Variants in MPI observed in about 807,000 individuals in gnomAD.
MPI encodes the protein mannose phosphate isomerase.
Under a neutral mutation model 40.1 loss-of-function variants are expected in MPI, and 33 were observed. That is an observed-to-expected ratio of 0.82 (90% CI 0.62 to 1.10). The LOEUF (loss-of-function observed/expected upper bound fraction) is 1.10. MPI is among the 50% of genes least tolerant of loss of function. The pLI is 0.00. For synonymous variants in MPI, 187 were observed against 207.4 expected, an observed-to-expected ratio of 0.90 and a Z score of 0.85; for missense variants, 514 against 524.1, an observed-to-expected ratio of 0.98 and a Z score of 0.19.
At position 74,892,747 on chromosome 15, in the gene MPI, C is replaced by G. The variant is rs145767808; in HGVS notation, c.432C>G (p.Pro144=). The G allele has an allele frequency of 1.2e-6, 2 of 1,614,178 alleles. No individual in the cohort carries two copies. The highest frequency in any genetic ancestry group is 3.3e-5 in the Admixed American group (2 of 60,016). ...HKPEMAIALT[P]FQGLCGFRPV... is the part of the protein sequence containing the mutation. ...CAGAGATGGCCATTGCCCTCACCCCCTTCCAGGGCTTGTGTGGCTTCCGGC... is the reference window on the plus strand; with the variant it reads ...CAGAGATGGCCATTGCCCTCACCCCGTTCCAGGGCTTGTGTGGCTTCCGGC... The change falls in exon 4 of 8, where the codon CCC becomes CCG. Residue 144 remains proline, a synonymous_variant. Transcript: ENST00000352410.
chr15:74,896,090 T>G (rs1233553581), intron 5 of MPI, 62 bp from the exon 6 acceptor site: 1 of 1,596,314 alleles, frequency 6.3e-7, no homozygotes, highest in Non-Finnish European at 8.6e-7. Flanking sequence ...CTGGCCAATG[T>G]GGGGCTATGA....
intron 7 of MPI, 29 bp downstream of exon 7, chr15:74,897,248 T>G (rs1180988208): frequency 7.5e-6 from 12 of 1,608,378 alleles, no homozygotes; most frequent in Non-Finnish European, 1.0e-5. Context: ...TGGGTGTCCT[T>G]CGTGTGCCAT....
At chr15:74,892,996 G>A in intron 4 of MPI, 142 bp from the exon 5 acceptor site, 6 of 1,330,486 alleles carry the variant, frequency 4.5e-6, no homozygotes, top group African/African-American at 1.4e-5. Flanking sequence ...GGTGGTGAGT[G>A]ATTGGTTTCC....
chr15:74,894,101 TG>T (rs1567267279), intron 5 of MPI, among the ~76,000 whole-genome samples: 950 of 25,254 alleles, frequency 0.038, 168 homozygotes, highest in East Asian at 0.32. Flanking sequence ...TGTGTGTGTG[TG>T]TGTGTGGTCT....
In MPI at chr15:74,892,693, G is replaced by T; in HGVS notation, c.378G>T (p.Pro126=). Residue 126 remains proline, a synonymous_variant, in exon 4 of 8, where the codon CCG becomes CCT. Transcript: ENST00000352410. The part of the protein sequence containing the change: ...ELAEKLHLQA[P]QHYPDANHKP... ...CAGAGAAGCTGCACCTCCAGGCTCC[G>T]CAGCACTACCCCGATGCCAACCACA... is the stretch of plus-strand genomic sequence containing the variant. 1 of 1,614,222 alleles carries T rather than the reference G, an allele frequency of 6.2e-7. No individual in the cohort carries two copies. Among genetic ancestry groups the T allele is most frequent in the Non-Finnish European group, 8.5e-7 (1 of 1,180,048 alleles).
rs1280433010 is a variant in MPI at position 74,890,633 on chromosome 15, A to G, written c.123A>G (p.Ala41=). 1 of 1,613,970 alleles carries G rather than the reference A, an allele frequency of 6.2e-7. No individual in the cohort carries two copies. The highest frequency in any genetic ancestry group is 8.5e-7 in the Non-Finnish European group (1 of 1,180,042). Residue 41 remains alanine (A), a synonymous_variant, in exon 2 of 8, where the codon GCA becomes GCG. Coordinates refer to ENST00000352410, the MANE Select transcript of MPI (RefSeq NM_002435.3). ...LASSDPLAQI[A]EDKPYAELWM... ...GCAGTGATCCACTGGCCCAGATCGC[A>G]GAGGACAAGCCTTATGCAGAGGTGA...
At position 74,901,756 on chromosome 15, in the gene MPI, G is replaced by A. The variant is rs141057857; in HGVS notation, c.*4026G>A. 38 of 216,096 alleles carry A rather than the reference G, an allele frequency of 1.8e-4. No homozygotes were observed. The East Asian group carries it at 3.6e-3, about 21-fold the overall frequency. The allele number at this position is 216,096 out of a possible 1,614,324, so 13.4% of individuals were successfully genotyped here. A position where few individuals can be genotyped will look rare whatever the true frequency, so the allele number is the denominator to read the frequency against. ...ATAGGAAGGCACCGGACTGCTCCCT[G>A]TAGCTCCCTCTGCTGGTAATAATAA... On this transcript the variant is annotated 3_prime_UTR_variant, in exon 8 of 8. Transcript: ENST00000352410.
rs1227522913 is a variant in MPI, at chr15:74,900,646, G to A, written c.*2916G>A. On this transcript the variant is annotated 3_prime_UTR_variant, in exon 8 of 8. Coordinates refer to ENST00000352410, the MANE Select transcript of MPI (RefSeq NM_002435.3). ...GGACATGGTCTCTGCAGATGGGGAAGGGGTTCTGGATGGAGATGTTCTTGA... is the reference window on the plus strand; with the variant it reads ...GGACATGGTCTCTGCAGATGGGGAAAGGGTTCTGGATGGAGATGTTCTTGA... 1 of 152,274 alleles carries A rather than the reference G, an allele frequency of 6.6e-6. No individual in the cohort carries two copies. The highest frequency in any genetic ancestry group is 1.5e-5 in the Non-Finnish European group (1 of 68,086). 9.4% of individuals were successfully genotyped at this position (152,274 alleles called of 1,614,324 possible). A position where few individuals can be genotyped will look rare whatever the true frequency, so the allele number is the denominator to read the frequency against.
chr15:74,890,310 G>A (rs914067863), intron 1 of MPI: 7 of 844,888 alleles, frequency 8.3e-6, no homozygotes, highest in African/African-American at 1.7e-5. Flanking sequence ...CTCCCTCCCC[G>A]CCACCCTGCC....
rs2064972215 is a variant in MPI, at chr15:74,901,834, C to G, written c.*4104C>G. The G allele has an allele frequency of 3.0e-6, 1 of 333,132 alleles. No individual in the cohort carries two copies. The highest frequency in any genetic ancestry group is 4.8e-5 in the Admixed American group (1 of 20,646). 20.6% of individuals were successfully genotyped at this position (333,132 alleles called of 1,614,324 possible). A position where few individuals can be genotyped will look rare whatever the true frequency, so the allele number is the denominator to read the frequency against. ...AGTACCTTCGACCTAATCTTTAGCT[C>G]AAAGACTGGGTGAAGAAACTCACCC... On this transcript the variant is annotated 3_prime_UTR_variant, in exon 8 of 8. Transcript: ENST00000352410.
rs765308824 is a variant in MPI, at chr15:74,890,097, A to G, written c.16+8A>G. On this transcript the variant is annotated splice_region_variant and intron_variant, in intron 1 of 7. Coordinates refer to ENST00000352410, the MANE Select transcript of MPI (RefSeq NM_002435.3). ...GCATGGCCGCTCCGCGAGGTGAGCC[A>G]TTGGCTGGGGTGTCGGCGAGTGTGT... 8 of 1,607,738 alleles carry G rather than the reference A, an allele frequency of 5.0e-6. No individual in the cohort carries two copies. Among genetic ancestry groups the G allele is most frequent in the African/African-American group, 2.7e-5 (2 of 74,912 alleles).
In MPI at chr15:74,898,262, A is replaced by G. The variant is rs2064853589; in HGVS notation, c.*532A>G. 2 of 205,024 alleles carry G rather than the reference A, an allele frequency of 9.8e-6. No individual in the cohort carries two copies. The highest frequency in any genetic ancestry group is 5.2e-5 in the Admixed American group (1 of 19,172). The allele number at this position is 205,024 out of a possible 1,614,324, so 12.7% of individuals were successfully genotyped here. A position where few individuals can be genotyped will look rare whatever the true frequency, so the allele number is the denominator to read the frequency against. On this transcript the variant is annotated 3_prime_UTR_variant, in exon 8 of 8. Coordinates refer to ENST00000352410, the MANE Select transcript of MPI (RefSeq NM_002435.3). Reference sequence around the variant, plus strand: ...GTAATGAGCACTCAGCCTTTGGGGTACCTGTTCCTAAAGTGGGCCAAAAGA... The same window carrying G: ...GTAATGAGCACTCAGCCTTTGGGGTGCCTGTTCCTAAAGTGGGCCAAAAGA...
At chr15:74,896,632 C>T (rs1227572585) in intron 6 of MPI, 2 of 614,104 alleles carry the variant, frequency 3.3e-6, no homozygotes, top group African/African-American at 3.7e-5. Flanking sequence ...TGTTCTGTCA[C>T]AGCCTTTGTA....
At chr15:74,894,548 G>A (rs948612585) in intron 5 of MPI, among the ~76,000 whole-genome samples, 2 of 151,728 alleles carry the variant, frequency 1.3e-5, no homozygotes, top group Non-Finnish European at 2.9e-5. Context: ...AAATTAGCCA[G>A]GCGAGGCAGA....
chr15:74,890,858 C>T, intron 2 of MPI: 1 of 690,138 alleles, frequency 1.4e-6, no homozygotes, highest in Non-Finnish European at 2.6e-6. Context: ...CACTCTCCTT[C>T]CCCCAACCAC....
At chr15:74,895,036 G>T (rs1254897700) in intron 5 of MPI, among the ~76,000 whole-genome samples, 2 of 148,524 alleles carry the variant, frequency 1.3e-5, no homozygotes, top group African/African-American at 4.9e-5. Context: ...GTGCAATCTC[G>T]ATCACTGCAA....
In MPI at chr15:74,897,136, T is replaced by C; in HGVS notation, c.970T>C (p.Phe324Leu). 6.2e-7 allele frequency: 1 copy of C among 1,614,182 alleles called. No homozygotes were observed. Among genetic ancestry groups the C allele is most frequent in the African/African-American group, 1.3e-5 (1 of 75,036 alleles). ...CCCTAGCTCCAGCAAGGACAGGCTCTTTCTCCCAACACGGAGTCAGGAAGA... is the reference window on the plus strand; with the variant it reads ...CCCTAGCTCCAGCAAGGACAGGCTCCTTCTCCCAACACGGAGTCAGGAAGA... Reference protein sequence around the residue: ...YTPSSSKDRLFLPTRSQEDPY... With the variant: ...YTPSSSKDRLLLPTRSQEDPY... The change falls in exon 7 of 8, where the codon TTT (phenylalanine) becomes CTT (leucine). Residue 324 changes from phenylalanine (F) to leucine (L), a missense_variant. Phe to Leu is a conservative substitution (Grantham distance 22, BLOSUM62 0). Transcript: ENST00000352410.
At chr15:74,891,710 C>T in intron 3 of MPI, 131 bp downstream of exon 3, 1 of 983,558 alleles carries the variant, frequency 1.0e-6, no homozygotes, top group Admixed American at 1.9e-5. Context: ...AGGCTGACAA[C>T]TCCCAATTTA....
In MPI at chr15:74,893,149, T is replaced by A. The variant is rs2064751388; in HGVS notation, c.499T>A (p.Phe167Ile). The A allele has an allele frequency of 1.2e-6, 2 of 1,613,984 alleles. No individual in the cohort carries two copies. Among genetic ancestry groups the A allele is most frequent in the Non-Finnish European group, 1.7e-6 (2 of 1,180,040 alleles). ...IVTFLKKVPE[F>I]QFLIGDEAAT... is the part of the protein sequence containing the mutation. ...TTGCCTTCCTGTAGAGGTGCCTGAG[T>A]TTCAGTTCCTGATTGGAGATGAGGC... Residue 167 changes from phenylalanine to isoleucine, a missense_variant, in exon 5 of 8, where the codon TTT (phenylalanine) becomes ATT (isoleucine). Transcript: ENST00000352410.
Sources: gnomAD v4.1 joint callset for allele counts (sites outside exome capture counted in the v4.1 genomes callset) on GRCh38, gnomAD v4.1.1 for gene constraint, MANE v1.5 for transcripts, NCBI Gene and HGNC (gene_info 2026-07-23, HGNC 2026-07-21) for gene names.